Variants in NUTF2 observed in about 807,000 individuals in gnomAD.
NUTF2 encodes the protein nuclear transport factor 2, also known as placental protein 15.
NUTF2 carries 3 observed loss-of-function variants against 18.5 expected under a neutral mutation model. That is an observed-to-expected ratio of 0.16 (90% CI 0.07 to 0.42). The LOEUF (loss-of-function observed/expected upper bound fraction) is 0.42. Among genes scored for constraint, NUTF2 ranks in the 10% least tolerant of loss-of-function variants. The probability of loss-of-function intolerance (pLI) is 0.99; values close to 1 mark genes in which losing one functional copy is unlikely to be tolerated. For synonymous variants in NUTF2, 51 were observed against 57.9 expected (o/e 0.88, Z 0.54); for missense variants, 44 against 160.7 (o/e 0.27, Z 3.93).
At position 67,871,121 on chromosome 16, in the gene NUTF2, G is replaced by C; in HGVS notation, c.*208G>C. ...GACGGGAGAAGTTTGTGTTGTACCA[G>C]CGCATGCCTTGGAAAGACTTAAGTA... is the stretch of plus-strand genomic sequence containing the variant. On this transcript the variant is annotated 3_prime_UTR_variant, in exon 5 of 5. Transcript: ENST00000219169. The C allele has an allele frequency of 2.3e-6, 1 of 443,348 alleles. No individual in the cohort carries two copies. Among genetic ancestry groups the C allele is most frequent in the East Asian group, 3.7e-5 (1 of 26,878 alleles). The allele number at this position is 443,348 out of a possible 1,614,324, so 27.5% of individuals were successfully genotyped here.
intron 1 of NUTF2, among the ~76,000 whole-genome samples, chr16:67,860,405 G>C (rs1381924029): frequency 6.6e-6 from 1 of 152,168 alleles, no homozygotes; most frequent in Non-Finnish European, 1.5e-5. Flanking sequence ...CTCCTGAGTA[G>C]CTGAGACTAA....
In NUTF2 at chr16:67,865,137, G is replaced by A; in HGVS notation, c.7G>A (p.Asp3Asn). Residue 3 changes from aspartate (D) to asparagine (N), a missense_variant, in exon 2 of 5, where the codon GAC becomes AAC. By Grantham distance (23) the Asp-to-Asn change is conservative (BLOSUM62 1). Coordinates refer to ENST00000219169, the MANE Select transcript of NUTF2 (RefSeq NM_005796.3). MG[D>N]KPIWEQIGSS... ...GGCCGGGTGACGCTCCAGAATGGGA[G>A]ACAAGCCAATTTGGGAGCAGATTGG... The A allele has an allele frequency of 6.2e-7, 1 of 1,611,536 alleles. No individual in the cohort carries two copies. Among genetic ancestry groups the A allele is most frequent in the Non-Finnish European group, 8.5e-7 (1 of 1,179,086 alleles).
At chr16:67,861,907 T>C (rs1294715342) in intron 1 of NUTF2, among the ~76,000 whole-genome samples, 1 of 152,134 alleles carries the variant, frequency 6.6e-6, no homozygotes, top group East Asian at 1.9e-4. Flanking sequence ...TCTGCACTCT[T>C]GCTTCTTTTT....
chr16:67,866,071 T>C (rs2057969102), intron 2 of NUTF2, among the ~76,000 whole-genome samples: 2 of 152,222 alleles, frequency 1.3e-5, no homozygotes, highest in African/African-American at 4.8e-5. Flanking sequence ...TGTACTTGAC[T>C]CTGCCTGAGA....
At chr16:67,866,291 C>T (rs1420316272) in intron 2 of NUTF2, among the ~76,000 whole-genome samples, 2 of 150,688 alleles carry the variant, frequency 1.3e-5, no homozygotes, top group African/African-American at 2.4e-5. Flanking sequence ...ATTTGATTGT[C>T]ATTATCATAG....
At chr16:67,866,909 A>G (rs2057976455) in intron 2 of NUTF2, among the ~76,000 whole-genome samples, 1 of 148,804 alleles carries the variant, frequency 6.7e-6, no homozygotes, top group South Asian at 2.1e-4. Flanking sequence ...TGCCCAGCAT[A>G]GAGTTTTTGA....
intron 1 of NUTF2, among the ~76,000 whole-genome samples, chr16:67,851,111 CTT>C (rs1453434214): frequency 6.6e-6 from 1 of 152,022 alleles, no homozygotes; most frequent in East Asian, 1.9e-4. Context: ...GAGCCCATCT[CTT>C]CTCTCTGAGC....
chr16:67,868,907 G>A (rs1357714217), intron 4 of NUTF2: 1 of 270,080 alleles, frequency 3.7e-6, no homozygotes, highest in Admixed American at 4.8e-5. Context: ...AGAAGTATAG[G>A]AGTAGGATGG....
chr16:67,863,405 T>C (rs1358603515), intron 1 of NUTF2, among the ~76,000 whole-genome samples: 1 of 152,200 alleles, frequency 6.6e-6, no homozygotes, highest in Non-Finnish European at 1.5e-5. Context: ...TGCTCCCTCA[T>C]TGGCTTGAGT....
Position 67,867,618 on chromosome 16 carries a change from T to A in NUTF2, c.100-722T>A, listed in dbSNP as rs562790126. ...CCCCATGGGTATCCAGAAGGCTAGC[T>A]AGAAAGTCCACAGTGGAACTTAGCC... On this transcript the variant is annotated intron_variant, in intron 2 of 4. Coordinates refer to ENST00000219169, the MANE Select transcript of NUTF2 (RefSeq NM_005796.3). 5.9e-4 allele frequency among the ~76,000 whole-genome samples: 90 copies of A among 152,228 alleles called. 1 individual carries two copies. Among genetic ancestry groups the A allele is most frequent in the Non-Finnish European group, 1.2e-4 (8 of 68,000 alleles).
chr16:67,858,103 A>G (rs771997807), intron 1 of NUTF2, among the ~76,000 whole-genome samples: 4 of 152,224 alleles, frequency 2.6e-5, no homozygotes, highest in Admixed American at 6.5e-5. Context: ...TGACAATGTC[A>G]TGCAGTGATA....
chr16:67,867,770 C>T (rs1006206422), intron 2 of NUTF2, among the ~76,000 whole-genome samples: 1 of 152,092 alleles, frequency 6.6e-6, no homozygotes, highest in African/African-American at 2.4e-5. Context: ...CGCTACAAAC[C>T]GCCGCCTCCT....
rs896707772 is a variant in NUTF2, at chr16:67,871,258, A to T, written c.*345A>T. 26 of 197,712 alleles carry T rather than the reference A, an allele frequency of 1.3e-4. No homozygotes were observed. The highest frequency in any genetic ancestry group is 5.1e-4 in the African/African-American group (21 of 41,188). The allele number at this position is 197,712 out of a possible 1,614,324, so 12.2% of individuals were successfully genotyped here. A position where few individuals can be genotyped will look rare whatever the true frequency, so the allele number is the denominator to read the frequency against. On this transcript the variant is annotated 3_prime_UTR_variant, in exon 5 of 5. Transcript: ENST00000219169. ...CAGCTGCCTCACCGCCCAGACATTG[A>T]TTTGTTCAGATGTTTCAATGCCTCA...
Position 67,848,363 on chromosome 16 carries a change from A to G in NUTF2, c.-30+1378A>G, listed in dbSNP as rs535287352. On this transcript the variant is annotated intron_variant, in intron 1 of 4. Coordinates refer to ENST00000219169, the MANE Select transcript of NUTF2 (RefSeq NM_005796.3). The stretch of plus-strand genomic sequence containing the variant: ...TTTGGGAGGCCAAGGCCAGCGGATC[A>G]CCTGAGGTCCGGGGTTCCAGACTAG... 6.6e-5 allele frequency among the ~76,000 whole-genome samples: 10 copies of G among 152,330 alleles called. No homozygotes were observed. The South Asian group carries it at 1.9e-3, about 28-fold the overall frequency.
At chr16:67,851,618 A>G (rs2057858346) in intron 1 of NUTF2, among the ~76,000 whole-genome samples, 1 of 152,066 alleles carries the variant, frequency 6.6e-6, no homozygotes, top group Admixed American at 6.6e-5. Context: ...TTAACTCGTC[A>G]TTTACATTAG....
intron 1 of NUTF2, among the ~76,000 whole-genome samples, chr16:67,863,338 T>G (rs1055941418): frequency 2.6e-5 from 4 of 152,148 alleles, no homozygotes; most frequent in Non-Finnish European, 5.9e-5. Context: ...GCACTGAGCT[T>G]CTATTTTTAG....
intron 1 of NUTF2, among the ~76,000 whole-genome samples, chr16:67,848,638 A>G (rs2057826633): frequency 6.6e-6 from 1 of 151,804 alleles, no homozygotes; most frequent in Admixed American, 6.6e-5. Flanking sequence ...GCTACTTGGG[A>G]GGCTGAGGCA....
intron 1 of NUTF2, among the ~76,000 whole-genome samples, chr16:67,857,600 G>GACCCA: frequency 6.6e-6 from 1 of 152,184 alleles, no homozygotes; most frequent in Non-Finnish European, 1.5e-5. Flanking sequence ...TTACAGCTGG[G>GACCCA]TCCTGCTCCA....
At chr16:67,868,705 A>G in intron 4 of NUTF2, 106 bp downstream of exon 4, 6 of 1,056,224 alleles carry the variant, frequency 5.7e-6, no homozygotes, top group Non-Finnish European at 8.6e-6. Flanking sequence ...ACACCCAGAC[A>G]AAGTGACTGT....
Sources: allele counts gnomAD v4.1 joint callset (sites outside exome capture counted in the v4.1 genomes callset), GRCh38; gene constraint gnomAD v4.1.1; transcripts MANE v1.5; gene names NCBI Gene and HGNC (gene_info 2026-07-23, HGNC 2026-07-21).